The following ADAM12 variants were observed in gnomAD, a reference collection of about 807,000 sequenced individuals.
ADAM12 encodes disintegrin and metalloproteinase domain-containing protein 12.
ADAM12 carries 70 observed loss-of-function variants against 106.4 expected under a neutral mutation model. The ratio of observed to expected loss-of-function variants is 0.66; its 90% CI spans 0.54 to 0.80. ADAM12 has a LOEUF of 0.80. ADAM12 is among the 30% of genes least tolerant of loss of function. The pLI is 0.00. For missense variants in ADAM12, 1,010 were observed against 1,171.9 expected, an observed-to-expected ratio of 0.86 and a Z score of 2.02; for synonymous variants, 420 against 433.5, an observed-to-expected ratio of 0.97 and a Z score of 0.39.
At chr10:126,249,324 G>A (rs532167632) in intron 3 of ADAM12, among the ~76,000 whole-genome samples, 38 of 152,326 alleles carry the variant, frequency 2.5e-4, no homozygotes, top group African/African-American at 8.9e-4. Flanking sequence ...GGCAGTCTAG[G>A]TGGGGGTTGG....
intron 19 of ADAM12, among the ~76,000 whole-genome samples, chr10:126,038,789 T>C (rs530011883): frequency 6.6e-6 from 1 of 152,126 alleles, no homozygotes; most frequent in South Asian, 2.1e-4. Context: ...CAGCACATTG[T>C]TGTTTGAAGG....
chr10:126,133,158 A>G (rs1956338994), intron 5 of ADAM12, among the ~76,000 whole-genome samples: 1 of 151,984 alleles, frequency 6.6e-6, no homozygotes, highest in African/African-American at 2.4e-5. Context: ...ATGATACTTC[A>G]TTACTTAAAA....
intron 3 of ADAM12, among the ~76,000 whole-genome samples, chr10:126,188,980 C>T (rs76043881): frequency 0.026 from 4,010 of 152,268 alleles, 144 homozygotes; most frequent in East Asian, 0.098. Context: ...TCCATCTATC[C>T]ATTCACCATC....
At chr10:126,040,967 G>A (rs996927196) in intron 18 of ADAM12, among the ~76,000 whole-genome samples, 1 of 152,054 alleles carries the variant, frequency 6.6e-6, no homozygotes, top group Non-Finnish European at 1.5e-5. Flanking sequence ...TCTAGAATCT[G>A]AGCCCAGGCC....
chr10:126,236,475 C>A (rs1958417879), intron 3 of ADAM12, among the ~76,000 whole-genome samples: 1 of 152,212 alleles, frequency 6.6e-6, no homozygotes, highest in African/African-American at 2.4e-5. Flanking sequence ...AATTGTCAGA[C>A]TCATCTGGAA....
At chr10:126,130,011 T>C (rs1956275042) in intron 5 of ADAM12, among the ~76,000 whole-genome samples, 1 of 152,208 alleles carries the variant, frequency 6.6e-6, no homozygotes, top group African/African-American at 2.4e-5. Context: ...ATGTGGGATG[T>C]TCTTTCGCTG....
intron 1 of ADAM12, among the ~76,000 whole-genome samples, chr10:126,349,601 T>C (rs546070698): frequency 9.9e-5 from 15 of 152,258 alleles, no homozygotes; most frequent in Non-Finnish European, 1.8e-4. Flanking sequence ...AATCCAAATA[T>C]ATCCACTATA....
intron 3 of ADAM12, among the ~76,000 whole-genome samples, chr10:126,254,754 G>A (rs1484668206): frequency 6.6e-6 from 1 of 152,152 alleles, no homozygotes; most frequent in Non-Finnish European, 1.5e-5. Context: ...TGCAACAGTC[G>A]CCATCGCTGG....
At chr10:126,172,865 C>T (rs1231148231) in intron 3 of ADAM12, among the ~76,000 whole-genome samples, 13 of 152,144 alleles carry the variant, frequency 8.5e-5, no homozygotes, top group Admixed American at 3.9e-4. Context: ...CCCAAATGCC[C>T]ATCAATGATA....
intron 1 of ADAM12, among the ~76,000 whole-genome samples, chr10:126,346,036 C>A (rs917532838): frequency 6.6e-6 from 1 of 152,098 alleles, no homozygotes; most frequent in Non-Finnish European, 1.5e-5. Context: ...CTGCTCTGAT[C>A]TTAGTTATTT....
At chr10:126,385,225 G>C (rs1856622733) in intron 1 of ADAM12, among the ~76,000 whole-genome samples, 1 of 152,164 alleles carries the variant, frequency 6.6e-6, no homozygotes, top group African/African-American at 2.4e-5. Context: ...CAGCAATCTG[G>C]AAATTCTACA....
intron 3 of ADAM12, among the ~76,000 whole-genome samples, chr10:126,272,664 C>T (rs543008101): frequency 6.6e-6 from 1 of 152,312 alleles, no homozygotes; most frequent in African/African-American, 2.4e-5. Flanking sequence ...GTTTAGAACT[C>T]CCCATTCCTA....
intron 5 of ADAM12, among the ~76,000 whole-genome samples, chr10:126,121,131 C>CTATATACTATATATACTATATATACTA (rs372964268): frequency 3.7e-5 from 3 of 81,382 alleles, no homozygotes; most frequent in East Asian, 4.0e-4. Flanking sequence ...AGTATATATA[C>CTATATACTATATATACTATATATACTA]TATATACTAT....
intron 19 of ADAM12, 128 bp downstream of exon 19, chr10:126,039,166 C>A: frequency 8.8e-7 from 1 of 1,134,924 alleles, no homozygotes; most frequent in South Asian, 1.5e-5. Context: ...TCACCGTGGT[C>A]TCGATCTCCT....
At chr10:126,280,039 G>C (rs1217117611) in intron 2 of ADAM12, among the ~76,000 whole-genome samples, 5 of 152,156 alleles carry the variant, frequency 3.3e-5, no homozygotes, top group Non-Finnish European at 2.9e-5. Context: ...TATAACTCCA[G>C]AGCTCGAAAG....
chr10:126,387,076 G>T (rs536108504), intron 1 of ADAM12, among the ~76,000 whole-genome samples: 2 of 152,196 alleles, frequency 1.3e-5, no homozygotes, highest in African/African-American at 4.8e-5. Context: ...TCGTGATTTA[G>T]GCCAGTTGTT....
At chr10:126,242,687 C>A (rs982853448) in intron 3 of ADAM12, among the ~76,000 whole-genome samples, 39 of 151,050 alleles carry the variant, frequency 2.6e-4, no homozygotes, top group African/African-American at 8.9e-4. Context: ...TACGGAAGTG[C>A]TCTCTCTGAG....
intron 6 of ADAM12, among the ~76,000 whole-genome samples, chr10:126,116,250 A>G (rs2133616512): frequency 6.6e-6 from 1 of 152,372 alleles, no homozygotes; most frequent in South Asian, 2.1e-4. Flanking sequence ...CAAATTATAA[A>G]TCTTGTAACG....
intron 1 of ADAM12, among the ~76,000 whole-genome samples, chr10:126,371,580 T>C (rs1002453194): frequency 6.6e-6 from 1 of 152,228 alleles, no homozygotes; most frequent in African/African-American, 2.4e-5. Context: ...CTGGATGTTC[T>C]AAATGTGTAC....
Sources: gnomAD v4.1 joint callset for allele counts (sites outside exome capture counted in the v4.1 genomes callset) on GRCh38, gnomAD v4.1.1 for gene constraint, MANE v1.5 for transcripts, NCBI Gene and HGNC (gene_info 2026-07-23, HGNC 2026-07-21) for gene names.